The following LGSN variants were observed in gnomAD, a reference collection of about 807,000 sequenced individuals.
LGSN encodes the protein lengsin.
Under a neutral mutation model 19.5 loss-of-function variants are expected in LGSN, and 21 were observed. The ratio of observed to expected loss-of-function variants is 1.07; its 90% CI spans 0.76 to 1.55. The LOEUF (loss-of-function observed/expected upper bound fraction) is 1.55. Ranked by LOEUF, LGSN falls within the 40% of genes most tolerant of loss-of-function variation. The pLI is 0.00. For missense variants in LGSN, 673 were observed against 608.5 expected (o/e 1.11, Z -1.12); for synonymous variants, 257 against 215.6 (o/e 1.19, Z -1.68).
the LGSN span, among the ~76,000 whole-genome samples, chr6:63,436,165 C>T: frequency 3.5e-4 from 54 of 152,214 alleles, no homozygotes; most frequent in Non-Finnish European, 6.5e-4. Context: ...TCTCTTTTTT[C>T]CTTATATCAC....
upstream of LGSN, among the ~76,000 whole-genome samples, chr6:63,321,348 G>A (rs985966108): frequency 6.6e-6 from 1 of 152,102 alleles, no homozygotes; most frequent in African/African-American, 2.4e-5. Context: ...TTTCAGAAAT[G>A]TTCCCTTTCC....
the LGSN span, among the ~76,000 whole-genome samples, chr6:63,342,603 C>A: frequency 6.6e-6 from 1 of 152,140 alleles, no homozygotes; most frequent in Non-Finnish European, 1.5e-5. Context: ...TGTCCAAGAA[C>A]TACCAAAGAG....
At chr6:63,383,793 A>T in the LGSN span, among the ~76,000 whole-genome samples, 5 of 152,180 alleles carry the variant, frequency 3.3e-5, no homozygotes, top group Non-Finnish European at 5.9e-5. Context: ...TGACTTTATC[A>T]TTCCCATTTT....
At chr6:63,497,377 C>T in the LGSN span, among the ~76,000 whole-genome samples, 2 of 151,864 alleles carry the variant, frequency 1.3e-5, no homozygotes, top group Admixed American at 6.6e-5. Context: ...GGTGAAAGCC[C>T]GTCTCTACTA....
At chr6:63,350,745 A>C in the LGSN span, among the ~76,000 whole-genome samples, 1 of 151,990 alleles carries the variant, frequency 6.6e-6, no homozygotes, top group Admixed American at 6.6e-5. Context: ...TCAGCTATTC[A>C]GGAGGCTGAG....
chr6:63,438,204 A>G, the LGSN span, among the ~76,000 whole-genome samples: 1 of 152,102 alleles, frequency 6.6e-6, no homozygotes, highest in African/African-American at 2.4e-5. Flanking sequence ...CTTGAGGTCA[A>G]GAGTTTGAGA....
At chr6:63,418,812 C>T in the LGSN span, among the ~76,000 whole-genome samples, 2 of 152,128 alleles carry the variant, frequency 1.3e-5, no homozygotes, top group African/African-American at 2.4e-5. Context: ...AAGGGGCAGC[C>T]TAGCAGGGCA....
chr6:63,306,232 G>A (rs932908207), intron 1 of LGSN, among the ~76,000 whole-genome samples: 5 of 152,126 alleles, frequency 3.3e-5, no homozygotes, highest in Admixed American at 6.6e-5. Flanking sequence ...ACCCACAGGG[G>A]TTAGGTAATT....
the LGSN span, among the ~76,000 whole-genome samples, chr6:63,375,798 A>G: frequency 6.6e-6 from 1 of 152,220 alleles, no homozygotes; most frequent in Non-Finnish European, 1.5e-5. Context: ...GTAGAAAATT[A>G]CTTCCTTTAA....
the LGSN span, among the ~76,000 whole-genome samples, chr6:63,386,387 T>A: frequency 6.6e-6 from 1 of 152,162 alleles, no homozygotes; most frequent in Non-Finnish European, 1.5e-5. Context: ...TTGGGGCTTT[T>A]TAATTTTTAT....
chr6:63,465,013 C>T, the LGSN span, among the ~76,000 whole-genome samples: 49 of 132,148 alleles, frequency 3.7e-4, no homozygotes, highest in Non-Finnish European at 6.3e-4. Context: ...GTGACAAGAG[C>T]GAGATTCTGT....
At chr6:63,567,274 A>G in the LGSN span, among the ~76,000 whole-genome samples, 1 of 152,238 alleles carries the variant, frequency 6.6e-6, no homozygotes, top group Non-Finnish European at 1.5e-5. Context: ...AGGAATCACC[A>G]TCTACAGCAA....
chr6:63,317,223 C>T (rs1022470738), intron 1 of LGSN, among the ~76,000 whole-genome samples: 4 of 152,108 alleles, frequency 2.6e-5, no homozygotes, highest in Middle Eastern at 3.2e-3. Context: ...AATGAGTTCT[C>T]ACTATATTGT....
the LGSN span, among the ~76,000 whole-genome samples, chr6:63,354,533 C>T: frequency 2.0e-5 from 3 of 152,104 alleles, no homozygotes; most frequent in Non-Finnish European, 2.9e-5. Flanking sequence ...AACTCTTGTA[C>T]ACTGTTGATG....
the LGSN span, among the ~76,000 whole-genome samples, chr6:63,474,507 G>T: frequency 6.6e-6 from 1 of 151,652 alleles, no homozygotes; most frequent in South Asian, 2.1e-4. Flanking sequence ...TACTCAGGAG[G>T]TTGAGGCAGG....
chr6:63,408,071 G>A, the LGSN span, among the ~76,000 whole-genome samples: 1 of 152,132 alleles, frequency 6.6e-6, no homozygotes, highest in Non-Finnish European at 1.5e-5. Context: ...TCATGGGTAG[G>A]AAGAATCAAT....
At chr6:63,397,629 T>C in the LGSN span, among the ~76,000 whole-genome samples, 61 of 151,896 alleles carry the variant, frequency 4.0e-4, no homozygotes, top group African/African-American at 1.4e-3. Flanking sequence ...AAAAAAAAGA[T>C]TATGGGCCAG....
chr6:63,485,037 G>GT, the LGSN span, among the ~76,000 whole-genome samples: 258 of 145,248 alleles, frequency 1.8e-3, 1 homozygote, highest in South Asian at 2.9e-3. Flanking sequence ...TTTTTTAGTT[G>GT]TTTTTTTTTT....
rs569869230 is a variant in LGSN, at chr6:63,289,492, GT to G, written c.164-3740del. On this transcript the variant is annotated intron_variant, in intron 2 of 3. Coordinates refer to ENST00000370657, the MANE Select transcript of LGSN (RefSeq NM_016571.3). ...TAATTGCCAGTTCAGGAGCTCATTT[GT>G]TTTTCCTACAGTGTGGTTCCTAGGA... 1.1e-3 allele frequency among the ~76,000 whole-genome samples: 169 copies of G among 152,086 alleles called. 2 individuals carry two copies. Among genetic ancestry groups the G allele is most frequent in the African/African-American group, 3.7e-3 (155 of 41,480 alleles).
Sources: allele counts gnomAD v4.1 joint callset (sites outside exome capture counted in the v4.1 genomes callset), GRCh38; gene constraint gnomAD v4.1.1; transcripts MANE v1.5; gene names NCBI Gene and HGNC (gene_info 2026-07-23, HGNC 2026-07-21).